The following LZTS3 variants were observed in gnomAD, a reference collection of about 807,000 sequenced individuals.
The protein encoded by LZTS3 is leucine zipper putative tumor suppressor 3.
Under a neutral mutation model 50.9 loss-of-function variants are expected in LZTS3, and 16 were observed. The ratio of observed to expected loss-of-function variants is 0.31; its 90% CI spans 0.21 to 0.48. The LOEUF (loss-of-function observed/expected upper bound fraction) is 0.48, where lower values mean the gene tolerates loss of function less well. LZTS3 is among the 20% of genes least tolerant of loss of function. LZTS3 has a pLI of 0.99. For synonymous variants in LZTS3, 408 were observed against 410.6 expected (o/e 0.99, Z 0.08); for missense variants, 816 against 931.0 (o/e 0.88, Z 1.61).
chr20:3,172,134 A>T (rs2066909614), intron 1 of LZTS3, among the ~76,000 whole-genome samples: 1 of 152,280 alleles, frequency 6.6e-6, no homozygotes, highest in East Asian at 1.9e-4. Context: ...TCCCCCAGGC[A>T]GCTGCCAGGG....
chr20:3,166,976 C>T lies in LZTS3; in HGVS notation c.188G>A (p.Gly63Asp). 1 of 1,600,500 alleles carries T rather than the reference C, an allele frequency of 6.2e-7. No homozygotes were observed. The highest frequency in any genetic ancestry group is 8.5e-7 in the Non-Finnish European group (1 of 1,178,646). Reference protein sequence around the residue: ...KSVGTRTGGGGSQGSFPGPRG... With the variant: ...KSVGTRTGGGDSQGSFPGPRG... ...GGGGCCAGGGAAACTGCCCTGGCTGCCCCCACCCCCTGTGCGGGTACCCAC... is the reference window on the plus strand; with the variant it reads ...GGGGCCAGGGAAACTGCCCTGGCTGTCCCCACCCCCTGTGCGGGTACCCAC... Residue 63 changes from glycine to aspartate, a missense_variant, in exon 3 of 5, where the codon GGC becomes GAC. Around this residue, in one of 3 missense-constraint regions of LZTS3, gnomAD observed 700 missense variants for 769.4 expected, o/e 0.91. Coordinates refer to ENST00000337576, the MANE Select transcript of LZTS3 (RefSeq NM_001365618.1).
chr20:3,164,548 G>A lies in LZTS3; in HGVS notation c.1928C>T (p.Ala643Val). The A allele has an allele frequency of 6.2e-7, 1 of 1,606,352 alleles. No homozygotes were observed. The highest frequency in any genetic ancestry group is 8.5e-7 in the Non-Finnish European group (1 of 1,176,644). Residue 643 changes from alanine (A) to valine (V), a missense_variant, in exon 5 of 5, where the codon GCA (alanine) becomes GTA (valine). Physicochemically the swap from Ala to Val is moderately conservative, Grantham distance 64. Coordinates refer to ENST00000337576, the MANE Select transcript of LZTS3 (RefSeq NM_001365618.1). ...LERRLRERGA[A>V]GGASTPTPQH... ...GGGAGTGGGCGTGCTTGCACCCCCT[G>A]CGGCCCCGCGCTCCCGCAGCCTGCG...
In LZTS3 at chr20:3,165,949, T is replaced by C. The variant is rs756578030; in HGVS notation, c.871A>G (p.Met291Val). 15 of 1,612,662 alleles carry C rather than the reference T, an allele frequency of 9.3e-6. No individual in the cohort carries two copies. The highest frequency in any genetic ancestry group is 6.7e-5 in the East Asian group (3 of 44,896). Reference sequence around the variant, plus strand: ...GAGCCCAGGTGGCCTGGCCGCCCCATAGATGACGACGACCCACTCTTGCTG... The same window carrying C: ...GAGCCCAGGTGGCCTGGCCGCCCCACAGATGACGACGACCCACTCTTGCTG... The part of the protein sequence containing the change: ...ASSKSGSSSS[M>V]GRPGHLGSGE... The change falls in exon 4 of 5, where the codon ATG (methionine) becomes GTG (valine). Residue 291 changes from methionine to valine, a missense_variant. Met to Val is a conservative substitution (Grantham distance 21, BLOSUM62 1). This residue lies in a region of LZTS3 where 700 missense variants were observed against 769.4 expected (regional missense o/e 0.91). Transcript: ENST00000337576. The surrounding 1 kb of genome is among the most constrained non-coding windows in gnomAD (Gnocchi z 5.0).
chr20:3,169,795 C>T (rs1296966039), intron 1 of LZTS3, among the ~76,000 whole-genome samples: 2 of 151,594 alleles, frequency 1.3e-5, no homozygotes, highest in Non-Finnish European at 2.9e-5. Context: ...CGAGAACCCC[C>T]TTGAACCCAG....
chr20:3,167,462 C>T, intron 2 of LZTS3: 1 of 1,192,890 alleles, frequency 8.4e-7, no homozygotes, highest in Non-Finnish European at 1.0e-6. Context: ...CTCAGCTCAG[C>T]GTTCCATTCC....
rs1315394876 is a variant in LZTS3 at position 3,164,076 on chromosome 20, A to T, written c.*378T>A. 5.2e-6 allele frequency: 1 copy of T among 193,432 alleles called. No individual in the cohort carries two copies. Among genetic ancestry groups the T allele is most frequent in the Admixed American group, 6.2e-5 (1 of 16,234 alleles). The allele number at this position is 193,432 out of a possible 1,614,324, so 12.0% of individuals were successfully genotyped here. A position where few individuals can be genotyped will look rare whatever the true frequency, so the allele number is the denominator to read the frequency against. On this transcript the variant is annotated 3_prime_UTR_variant, in exon 5 of 5. Coordinates refer to ENST00000337576, the MANE Select transcript of LZTS3 (RefSeq NM_001365618.1). Reference sequence around the variant, plus strand: ...AGGTGAGCACAGAGAGCATCACTAGACACAGGGTGGCCAACAGTAGCAGCC... The same window carrying T: ...AGGTGAGCACAGAGAGCATCACTAGTCACAGGGTGGCCAACAGTAGCAGCC...
rs772180867 is a variant in LZTS3, at chr20:3,166,204, T to G, written c.616A>C (p.Met206Leu). Residue 206 changes from methionine (M) to leucine (L), a missense_variant, in exon 4 of 5, where the codon ATG (methionine) becomes CTG (leucine). Met to Leu is a conservative substitution (Grantham distance 15). Coordinates refer to ENST00000337576, the MANE Select transcript of LZTS3 (RefSeq NM_001365618.1). ...CTCCCACTCCCACCCGCTGGAGTCA[T>G]GGTCCGAGACTTGTCCAGTCCGCCT... is the stretch of plus-strand genomic sequence containing the variant. ...LKGGLDKSRT[M>L]TPAGGSGSGL... is the part of the protein sequence containing the mutation. 1 of 1,613,822 alleles carries G rather than the reference T, an allele frequency of 6.2e-7. No homozygotes were observed. Among genetic ancestry groups the G allele is most frequent in the Non-Finnish European group, 8.5e-7 (1 of 1,179,912 alleles).
At chr20:3,168,014 G>C (rs138941279) in intron 1 of LZTS3, 53 bp from the exon 2 acceptor site, 112 of 261,976 alleles carry the variant, frequency 4.3e-4, no homozygotes, top group Non-Finnish European at 5.6e-4. Context: ...CGCGTGCCAG[G>C]CGCCCCGAGG....
At position 3,172,821 on chromosome 20, in the gene LZTS3, G is replaced by C. The variant is rs1197145462; in HGVS notation, c.-243+634C>G. ...AGGAAGCAGGACTGAGGGAGGAAAGGGATCTGGGGGCACTGCAGGGCTTTT... is the reference window on the plus strand; with the variant it reads ...AGGAAGCAGGACTGAGGGAGGAAAGCGATCTGGGGGCACTGCAGGGCTTTT... On this transcript the variant is annotated intron_variant, in intron 1 of 4. Coordinates refer to ENST00000337576, the MANE Select transcript of LZTS3 (RefSeq NM_001365618.1). Among the ~76,000 whole-genome samples the C allele has an allele frequency of 2.8e-4, 42 of 152,180 alleles. 1 individual carries two copies.
chr20:3,169,340 G>T (rs529052267), intron 1 of LZTS3, among the ~76,000 whole-genome samples: 2 of 152,324 alleles, frequency 1.3e-5, no homozygotes, highest in Admixed American at 6.5e-5. Context: ...TGGGTGCAAT[G>T]TGGGGAGCAG....
At chr20:3,169,765 C>G (rs2066879078) in intron 1 of LZTS3, among the ~76,000 whole-genome samples, 1 of 151,558 alleles carries the variant, frequency 6.6e-6, no homozygotes, top group Non-Finnish European at 1.5e-5. Context: ...GTAATCCCAG[C>G]TACTTGGGAG....
At chr20:3,171,428 G>T (rs1323736130) in intron 1 of LZTS3, among the ~76,000 whole-genome samples, 2 of 152,090 alleles carry the variant, frequency 1.3e-5, no homozygotes, top group African/African-American at 4.8e-5. Flanking sequence ...ATTGTAACCT[G>T]TCATGGTTAA....
chr20:3,170,502 A>AAAAAAAAAAC (rs2066891144), intron 1 of LZTS3, among the ~76,000 whole-genome samples: 1 of 150,542 alleles, frequency 6.6e-6, no homozygotes, highest in African/African-American at 2.4e-5. Context: ...AAAAAAAAAA[A>AAAAAAAAAAC]AAAACAGGTT....
Position 3,165,394 on chromosome 20 carries a change from C to CCCCCCCCCCCCA in LZTS3, c.1323+102_1323+103insTGGGGGGGGGGG. ...TTTTGTCCCCCCTGCTCCTTTCATCCCCCCCCCCATCCCACCGTTATGATA... is the reference window on the plus strand; with the variant it reads ...TTTTGTCCCCCCTGCTCCTTTCATCCCCCCCCCCCCCACCCCCCCCATCCCACCGTTATGATA... On this transcript the variant is annotated intron_variant, in intron 4 of 4. Coordinates refer to ENST00000337576, the MANE Select transcript of LZTS3 (RefSeq NM_001365618.1). The surrounding 1 kb of genome is among the most constrained non-coding windows in gnomAD (Gnocchi z 5.0). 1 of 980,970 alleles carries CCCCCCCCCCCCA rather than the reference C, an allele frequency of 1.0e-6. No individual in the cohort carries two copies. Among genetic ancestry groups the CCCCCCCCCCCCA allele is most frequent in the Non-Finnish European group, 1.4e-6 (1 of 705,504 alleles). 60.8% of individuals were successfully genotyped at this position (980,970 alleles called of 1,614,324 possible). A position where few individuals can be genotyped will look rare whatever the true frequency, so the allele number is the denominator to read the frequency against.
Position 3,167,034 on chromosome 20 carries a change from C to A in LZTS3, c.130G>T (p.Val44Leu). The change falls in exon 3 of 5, where the codon GTG (valine) becomes TTG (leucine). Residue 44 changes from valine (V) to leucine (L), a missense_variant. Transcript: ENST00000337576. ...RLAMGSVGSG[V>L]AHAQEFAMKS... is the part of the protein sequence containing the mutation. ...ATGGCAAACTCCTGGGCATGGGCCA[C>A]CCCACTGCCCACGCTGCCCATGGCC... 1 of 1,579,736 alleles carries A rather than the reference C, an allele frequency of 6.3e-7. No homozygotes were observed. Among genetic ancestry groups the A allele is most frequent in the Non-Finnish European group, 8.6e-7 (1 of 1,167,312 alleles).
Position 3,165,353 on chromosome 20 carries a change from G to T in LZTS3, c.1323+144C>A. ...CAGCGGATGGCCTCGGGTCCTCACA[G>T]ACACTCCCAATTGATTTTTGTCCCC... On this transcript the variant is annotated intron_variant, in intron 4 of 4. Transcript: ENST00000337576. The surrounding 1 kb of genome is among the most constrained non-coding windows in gnomAD (Gnocchi z 5.0). 7.4e-7 allele frequency: 1 copy of T among 1,360,394 alleles called. No homozygotes were observed. The highest frequency in any genetic ancestry group is 9.8e-7 in the Non-Finnish European group (1 of 1,023,326). The allele number at this position is 1,360,394 out of a possible 1,614,324, so 84.3% of individuals were successfully genotyped here.
At chr20:3,169,879 T>TAA (rs34415260) in intron 1 of LZTS3, among the ~76,000 whole-genome samples, 46 of 62,498 alleles carry the variant, frequency 7.4e-4, no homozygotes, top group African/African-American at 2.7e-3. Context: ...ACTCTTTCCT[T>TAA]AAAAAAAAAA....
intron 1 of LZTS3, among the ~76,000 whole-genome samples, chr20:3,172,436 C>T (rs1197346060): frequency 6.6e-6 from 1 of 152,170 alleles, no homozygotes; most frequent in Non-Finnish European, 1.5e-5. Context: ...TCCTGATGCC[C>T]CTCCTCTATC....
Position 3,166,806 on chromosome 20 carries a change from C to T in LZTS3, c.358G>A (p.Gly120Arg), listed in dbSNP as rs200043592. 67 of 1,613,898 alleles carry T rather than the reference C, an allele frequency of 4.2e-5. No homozygotes were observed. In the Middle Eastern group the frequency reaches 4.9e-4, roughly 12 times the overall value. ...CTGCCACCACTGCTGCTGCTGCCTC[C>T]GCTGCTGCCAACCACGTTGCCACAG... ...DVCGNVVGSS[G>R]GSSSSGGSDK... Residue 120 changes from glycine to arginine, a missense_variant, in exon 3 of 5, where the codon GGA becomes AGA. Coordinates refer to ENST00000337576, the MANE Select transcript of LZTS3 (RefSeq NM_001365618.1).
Sources: gnomAD v4.1 joint callset for allele counts (sites outside exome capture counted in the v4.1 genomes callset) on GRCh38, gnomAD v4.1.1 for gene constraint, gnomAD v4.1.1 regional missense constraint, Gnocchi (gnomAD v3.1) non-coding constraint, MANE v1.5 for transcripts, NCBI Gene and HGNC (gene_info 2026-07-23, HGNC 2026-07-21) for gene names.